The following MTOR variants were observed in gnomAD, a reference collection of about 807,000 sequenced individuals.
MTOR encodes the protein mechanistic target of rapamycin kinase.
Under a neutral mutation model 319.8 loss-of-function variants are expected in MTOR, and 70 were observed. The ratio of observed to expected loss-of-function variants is 0.22; its 90% CI spans 0.18 to 0.27. The LOEUF is 0.27. Among genes scored for constraint, MTOR ranks in the 10% least tolerant of loss-of-function variants. MTOR has a pLI of 1.00. For synonymous variants in MTOR, 1,183 were observed against 1,211.4 expected (o/e 0.98, Z 0.49); for missense variants, 1,890 against 3,274.4 (o/e 0.58, Z 10.32).
intron 9 of MTOR, among the ~76,000 whole-genome samples, chr1:11,242,471 G>A (rs556352202): frequency 7.4e-6 from 1 of 135,028 alleles, no homozygotes; most frequent in African/African-American, 2.7e-5. Flanking sequence ...CTGCACTCCG[G>A]CCTGGGCAAC....
intron 28 of MTOR, among the ~76,000 whole-genome samples, chr1:11,178,468 G>C (rs1424451693): frequency 6.6e-6 from 1 of 152,216 alleles, no homozygotes; most frequent in East Asian, 1.9e-4. Flanking sequence ...GGCTGATTTA[G>C]GGAGCTATTG....
At chr1:11,108,757 G>A (rs1278145892) in intron 56 of MTOR, among the ~76,000 whole-genome samples, 2 of 150,088 alleles carry the variant, frequency 1.3e-5, no homozygotes, top group East Asian at 2.0e-4. Context: ...AAATTCGGCC[G>A]GGTGCGGTGG....
chr1:11,185,996 T>G (rs1260611456), intron 28 of MTOR, among the ~76,000 whole-genome samples: 1 of 144,420 alleles, frequency 6.9e-6, no homozygotes, highest in Non-Finnish European at 1.5e-5. Context: ...GCAGGAGAAT[T>G]GGCGTGAACC....
In MTOR at chr1:11,178,517, C is replaced by T. The variant is rs377199788; in HGVS notation, c.4254-11000G>A. Among the ~76,000 whole-genome samples the T allele has an allele frequency of 3.3e-4, 50 of 152,336 alleles. No homozygotes were observed. The South Asian group carries it at 8.3e-3, about 25-fold the overall frequency. On this transcript the variant is annotated intron_variant, in intron 28 of 57. Transcript: ENST00000361445. The stretch of plus-strand genomic sequence containing the variant: ...TCCCAGCATGTCAGCCAGTTAATTA[C>T]TTCCAACTTTATCTTACTTGTCAAC...
chr1:11,177,911 C>T (rs1448542674), intron 28 of MTOR, among the ~76,000 whole-genome samples: 1 of 152,092 alleles, frequency 6.6e-6, no homozygotes, highest in Non-Finnish European at 1.5e-5. Flanking sequence ...ATACTTTTAC[C>T]TGCGCATATT....
At chr1:11,239,466 G>C (rs1306754777) in intron 11 of MTOR, among the ~76,000 whole-genome samples, 1 of 151,144 alleles carries the variant, frequency 6.6e-6, no homozygotes, top group East Asian at 1.9e-4. Context: ...TTCTGTACTT[G>C]CTTGTTTCCC....
Position 11,209,397 on chromosome 1 carries a change from C to G in MTOR, c.3716G>C (p.Ser1239Thr). 1 of 1,614,168 alleles carries G rather than the reference C, an allele frequency of 6.2e-7. No homozygotes were observed. Among genetic ancestry groups the G allele is most frequent in the Non-Finnish European group, 8.5e-7 (1 of 1,180,002 alleles). Residue 1239 changes from serine (S) to threonine (T), a missense_variant, in exon 25 of 58, where the codon AGT becomes ACT. By Grantham distance (58) the Ser-to-Thr change is moderately conservative. Coordinates refer to ENST00000361445, the MANE Select transcript of MTOR (RefSeq NM_004958.4). ...PLIYQHRMLR[S>T]GQGDALASGP... ...ACTAGCCAATGCATCCCCTTGGCCA[C>G]TCCTAAGCATCCGATGCTGGTAAAT... is the stretch of plus-strand genomic sequence containing the variant.
At chr1:11,152,106 G>C (rs1289013390) in intron 30 of MTOR, among the ~76,000 whole-genome samples, 1 of 152,180 alleles carries the variant, frequency 6.6e-6, no homozygotes, top group Non-Finnish European at 1.5e-5. Flanking sequence ...ACACAGACAA[G>C]AGCATTGCTC....
At chr1:11,200,831 T>A (rs146670714) in intron 26 of MTOR, among the ~76,000 whole-genome samples, 3 of 151,760 alleles carry the variant, frequency 2.0e-5, no homozygotes, top group Non-Finnish European at 4.4e-5. Flanking sequence ...CTGGCTAACA[T>A]GGTGAAACCC....
chr1:11,160,392 G>A (rs144144820), intron 29 of MTOR, among the ~76,000 whole-genome samples: 8 of 152,124 alleles, frequency 5.3e-5, no homozygotes, highest in African/African-American at 1.7e-4. Context: ...GAGCCACTGC[G>A]CCCGGCTGTA....
In MTOR at chr1:11,230,945, G is replaced by A; in HGVS notation, c.2759C>T (p.Ser920Phe). 1 of 1,614,028 alleles carries A rather than the reference G, an allele frequency of 6.2e-7. No homozygotes were observed. The change falls in exon 18 of 58, where the codon TCC (serine) becomes TTC (phenylalanine). Residue 920 changes from serine (S) to phenylalanine (F), a missense_variant. Physicochemically the swap from Ser to Phe is radical, Grantham distance 155. Coordinates refer to ENST00000361445, the MANE Select transcript of MTOR (RefSeq NM_004958.4). ...RDASAVSLSE[S>F]KSSQDSSDYS... ...CTTACAGGAATCCTGACTTGACTTG[G>A]ATTCTGACAGGCTGACAGCAGAGGC...
rs567409711 is a variant in MTOR, at chr1:11,140,887, A to G, written c.4873-1229T>C. Among the ~76,000 whole-genome samples, 6 of 152,264 alleles carry G rather than the reference A, an allele frequency of 3.9e-5. No homozygotes were observed. The South Asian group carries it at 8.3e-4, about 21-fold the overall frequency. Reference sequence around the variant, plus strand: ...CAAAGTTGAAAAATGAATTAAATGTAAAGAAGTTTAAAAATTTTTGAAGTG... The same window carrying G: ...CAAAGTTGAAAAATGAATTAAATGTGAAGAAGTTTAAAAATTTTTGAAGTG... On this transcript the variant is annotated intron_variant, in intron 34 of 57. Transcript: ENST00000361445.
In MTOR at chr1:11,139,310, G is replaced by C; in HGVS notation, c.5124C>G (p.Ala1708=). The C allele has an allele frequency of 6.2e-7, 1 of 1,605,266 alleles. No individual in the cohort carries two copies. The highest frequency in any genetic ancestry group is 2.2e-5 in the East Asian group (1 of 44,870). Residue 1708 remains alanine (A), a synonymous_variant, in exon 36 of 58, where the codon GCC becomes GCG. Transcript: ENST00000361445. ...GATGCATTGGGATACAGACCTTGCG[G>C]GCACTCTTCCACATGTTTTTCATGT... ...YAYMKNMWKS[A]RKIDAFQHMQ...
rs1168489941 is a variant in MTOR, at chr1:11,115,351, G to A, written c.7089+45C>T. 6.3e-7 allele frequency: 1 copy of A among 1,584,230 alleles called. No individual in the cohort carries two copies. Among genetic ancestry groups the A allele is most frequent in the East Asian group, 2.2e-5 (1 of 44,708 alleles). On this transcript the variant is annotated intron_variant, in intron 51 of 57. Transcript: ENST00000361445. This position sits in a 1 kb window ranked among gnomAD's most constrained non-coding sequence, Gnocchi z 4.5. ...ACAGTGTCAGAGGAGGGGGAAAAGT[G>A]ATCACCCGGGAAGATGAGGTTGGGG...
At chr1:11,195,427 A>C in intron 28 of MTOR, 1 of 162,738 alleles carries the variant, frequency 6.1e-6, no homozygotes, top group Admixed American at 5.8e-5. Flanking sequence ...AAAGAACCAT[A>C]TTATTTTGAT....
chr1:11,186,827 T>C (rs1557818001), intron 28 of MTOR, among the ~76,000 whole-genome samples: 1 of 152,178 alleles, frequency 6.6e-6, no homozygotes, highest in Non-Finnish European at 1.5e-5. Flanking sequence ...GAAATATCCT[T>C]AATTAGCTAT....
At chr1:11,238,376 G>A in intron 12 of MTOR, 26 bp downstream of exon 12, 1 of 1,611,354 alleles carries the variant, frequency 6.2e-7, no homozygotes, top group Non-Finnish European at 8.5e-7. Flanking sequence ...AACTCCCCTA[G>A]ATTCCTTCTG....
In MTOR at chr1:11,121,174, C is replaced by G. The variant is rs776967490; in HGVS notation, c.6933+72G>C. Reference sequence around the variant, plus strand: ...AGAAGAGCCGCTGTGTGCACATGAACAGATGGGAGGGCCATCCTATTGCGA... The same window carrying G: ...AGAAGAGCCGCTGTGTGCACATGAAGAGATGGGAGGGCCATCCTATTGCGA... On this transcript the variant is annotated intron_variant, in intron 49 of 57. Coordinates refer to ENST00000361445, the MANE Select transcript of MTOR (RefSeq NM_004958.4). This position sits in a 1 kb window ranked among gnomAD's most constrained non-coding sequence, Gnocchi z 4.9. The G allele has an allele frequency of 4.7e-5, 75 of 1,592,704 alleles. No homozygotes were observed. The highest frequency in any genetic ancestry group is 6.1e-5 in the Non-Finnish European group (72 of 1,173,210).
chr1:11,214,373 G>T (rs916268199), intron 20 of MTOR, among the ~76,000 whole-genome samples: 1 of 152,214 alleles, frequency 6.6e-6, no homozygotes, highest in Non-Finnish European at 1.5e-5. Context: ...CACAGATCCT[G>T]CCTCAGTGCT....
Sources: gnomAD v4.1 joint callset for allele counts (sites outside exome capture counted in the v4.1 genomes callset) on GRCh38, gnomAD v4.1.1 for gene constraint, Gnocchi (gnomAD v3.1) non-coding constraint, MANE v1.5 for transcripts, NCBI Gene and HGNC (gene_info 2026-07-23, HGNC 2026-07-21) for gene names.